TENM2: variants seen among roughly 807,000 people sequenced by gnomAD.
TENM2 encodes the protein teneurin transmembrane protein 2.
In TENM2, 52 loss-of-function variants were observed where a neutral mutation model predicts 245.2. The observed-to-expected ratio is 0.21, with a 90% CI of 0.17 to 0.27. The LOEUF (loss-of-function observed/expected upper bound fraction) is 0.27, where lower values mean the gene tolerates loss of function less well. Among genes scored for constraint, TENM2 ranks in the 10% least tolerant of loss-of-function variants. The pLI, the probability that TENM2 is intolerant of heterozygous loss-of-function variation, is 1.00. For synonymous variants in TENM2, 1,363 were observed against 1,438.9 expected (o/e 0.95, Z 1.19); for missense variants, 3,046 against 3,666.8 (o/e 0.83, Z 4.37).
chr5:167,670,468 T>C lies in TENM2; in HGVS notation c.503-205518T>C, dbSNP rs114497768. ...GATATTTATTCTCTCTCTGTCTCTC[T>C]CTCTAATTCTCTCCCCCTCTCTCTC... On this transcript the variant is annotated intron_variant, in intron 2 of 28. Coordinates refer to ENST00000518659, the Ensembl canonical transcript of TENM2. Among the ~76,000 whole-genome samples, 190 of 150,028 alleles carry C rather than the reference T, an allele frequency of 1.3e-3. 2 individuals carry two copies. Among genetic ancestry groups the C allele is most frequent in the African/African-American group, 4.7e-3 (188 of 40,302 alleles).
chr5:167,004,680 A>G, the TENM2 span, among the ~76,000 whole-genome samples: 1 of 152,206 alleles, frequency 6.6e-6, no homozygotes, highest in Admixed American at 6.5e-5. Flanking sequence ...TAGGGTTGTT[A>G]GTGGTGAAAT....
At chr5:167,806,178 A>G (rs1400162882) in intron 2 of TENM2, among the ~76,000 whole-genome samples, 1 of 152,168 alleles carries the variant, frequency 6.6e-6, no homozygotes, top group Non-Finnish European at 1.5e-5. Flanking sequence ...GTCAAATTTT[A>G]GGCTTGAGCT....
At chr5:167,034,629 C>CAAAAAAAAAAAA in the TENM2 span, among the ~76,000 whole-genome samples, 1 of 72,256 alleles carries the variant, frequency 1.4e-5, no homozygotes, top group African/African-American at 6.2e-5. Flanking sequence ...GACTCCGTCT[C>CAAAAAAAAAAAA]AAAAAAAAAA....
intron 2 of TENM2, among the ~76,000 whole-genome samples, chr5:167,765,374 A>G (rs1370452206): frequency 1.3e-5 from 2 of 152,100 alleles, no homozygotes; most frequent in Non-Finnish European, 2.9e-5. Flanking sequence ...GTCTTCTTTC[A>G]TCTATCCATA....
chr5:167,949,231 C>G (rs1002249639), intron 3 of TENM2, among the ~76,000 whole-genome samples: 15 of 152,130 alleles, frequency 9.9e-5, no homozygotes, highest in Non-Finnish European at 2.1e-4. Context: ...GCCACCCCAC[C>G]CCTCACAGCA....
intron 13 of TENM2, among the ~76,000 whole-genome samples, chr5:168,173,104 G>C (rs1229567606): frequency 6.6e-6 from 1 of 152,120 alleles, no homozygotes; most frequent in Non-Finnish European, 1.5e-5. Flanking sequence ...TCAGTTTCCT[G>C]GAACTCCATG....
chr5:167,386,145 C>T (rs1296147478), intron 2 of TENM2, among the ~76,000 whole-genome samples: 8 of 152,086 alleles, frequency 5.3e-5, no homozygotes, highest in African/African-American at 1.9e-4. Context: ...TTCCCATCAG[C>T]AGTGTAGAAG....
At chr5:167,877,958 A>G (rs1031861326) in intron 3 of TENM2, among the ~76,000 whole-genome samples, 11 of 152,198 alleles carry the variant, frequency 7.2e-5, no homozygotes, top group Non-Finnish European at 1.5e-4. Context: ...GGCTTTTGAA[A>G]TGAGGTGCAC....
chr5:167,506,102 G>A (rs1366341625), intron 2 of TENM2, among the ~76,000 whole-genome samples: 1 of 152,146 alleles, frequency 6.6e-6, no homozygotes, highest in Non-Finnish European at 1.5e-5. Flanking sequence ...AGCCTTCCAG[G>A]CACAGAAACA....
At chr5:167,998,942 C>G (rs534402606) in intron 5 of TENM2, among the ~76,000 whole-genome samples, 52 of 152,192 alleles carry the variant, frequency 3.4e-4, no homozygotes, top group Non-Finnish European at 6.6e-4. Flanking sequence ...AGTTGCTACA[C>G]TTGAAAATTG....
At chr5:167,539,872 A>G (rs1174657194) in intron 2 of TENM2, among the ~76,000 whole-genome samples, 3 of 152,184 alleles carry the variant, frequency 2.0e-5, no homozygotes, top group East Asian at 1.9e-4. Context: ...ATACAGCCCT[A>G]TCTTTCTAGA....
intron 6 of TENM2, among the ~76,000 whole-genome samples, chr5:168,049,929 A>G (rs1309021606): frequency 6.6e-6 from 1 of 152,078 alleles, no homozygotes; most frequent in Non-Finnish European, 1.5e-5. Context: ...CAGCCTCCAG[A>G]GTGGCTGGGA....
At chr5:167,143,768 C>A in the TENM2 span, among the ~76,000 whole-genome samples, 1 of 152,104 alleles carries the variant, frequency 6.6e-6, no homozygotes, top group South Asian at 2.1e-4. Flanking sequence ...CTTACAAAGC[C>A]GTGCAAGGAT....
At chr5:167,708,706 C>T (rs1278547156) in intron 2 of TENM2, among the ~76,000 whole-genome samples, 3 of 152,148 alleles carry the variant, frequency 2.0e-5, no homozygotes, top group Admixed American at 6.5e-5. Context: ...AGCCTCTCCC[C>T]CTCTGCCTGC....
chr5:167,046,104 G>A, the TENM2 span, among the ~76,000 whole-genome samples: 2 of 152,042 alleles, frequency 1.3e-5, no homozygotes, highest in African/African-American at 4.8e-5. Context: ...CAAGTACACA[G>A]AGCAAGAAGT....
intron 5 of TENM2, among the ~76,000 whole-genome samples, chr5:168,013,155 A>G (rs1156699692): frequency 6.6e-6 from 1 of 152,180 alleles, no homozygotes; most frequent in African/African-American, 2.4e-5. Flanking sequence ...CTTAAATCTT[A>G]TTAATCAGAA....
intron 12 of TENM2, among the ~76,000 whole-genome samples, chr5:168,162,281 C>T (rs1440043333): frequency 1.4e-4 from 21 of 152,192 alleles, no homozygotes; most frequent in Admixed American, 1.4e-3. Context: ...CAATCCTGAG[C>T]TATTGGCTGG....
At chr5:167,956,573 G>C (rs1163156491) in intron 4 of TENM2, among the ~76,000 whole-genome samples, 1 of 152,100 alleles carries the variant, frequency 6.6e-6, no homozygotes, top group Admixed American at 6.5e-5. Context: ...AATGCTTCCA[G>C]CTTTTGGCCA....
At chr5:168,139,583 G>T in intron 12 of TENM2, 1 of 456,324 alleles carries the variant, frequency 2.2e-6, no homozygotes, top group East Asian at 7.0e-5. Context: ...AGGGGACTGG[G>T]CCTCCATTTG....
Sources: allele counts gnomAD v4.1 joint callset (sites outside exome capture counted in the v4.1 genomes callset), GRCh38; gene constraint gnomAD v4.1.1; transcripts MANE v1.5; gene names NCBI Gene and HGNC (gene_info 2026-07-23, HGNC 2026-07-21).